The following AGK variants were observed in gnomAD, a reference collection of about 807,000 sequenced individuals.
The protein encoded by AGK is acylglycerol kinase, mitochondrial.
Under a neutral mutation model 66.4 loss-of-function variants are expected in AGK, and 52 were observed. That is an observed-to-expected ratio of 0.78 (90% CI 0.63 to 0.99). AGK has a LOEUF of 0.99. AGK is among the 50% of genes least tolerant of loss of function. The pLI is 0.00. For synonymous variants in AGK, 182 were observed against 181.1 expected (o/e 1.00, Z -0.04); for missense variants, 451 against 506.6 (o/e 0.89, Z 1.05).
At chr7:141,590,008 A>G (rs906422039) in intron 2 of AGK, among the ~76,000 whole-genome samples, 10 of 152,218 alleles carry the variant, frequency 6.6e-5, no homozygotes, top group African/African-American at 2.4e-4. Flanking sequence ...TTTATTTTGA[A>G]TAGCATTCTG....
At chr7:141,589,928 TCA>T (rs557406096) in intron 2 of AGK, among the ~76,000 whole-genome samples, 2,054 of 152,330 alleles carry the variant, frequency 0.013, 23 homozygotes, top group Middle Eastern at 0.024. Flanking sequence ...TCTGGCTCTC[TCA>T]CAGGTGGCAT....
intron 3 of AGK, among the ~76,000 whole-genome samples, chr7:141,595,876 T>G (rs1796214993): frequency 6.6e-6 from 1 of 152,238 alleles, no homozygotes; most frequent in East Asian, 1.9e-4. Flanking sequence ...AGGCTTGTAA[T>G]TGATCAACTC....
intron 9 of AGK, among the ~76,000 whole-genome samples, chr7:141,627,904 C>T (rs551098614): frequency 9.2e-5 from 14 of 152,288 alleles, no homozygotes; most frequent in South Asian, 2.1e-4. Flanking sequence ...TTTATTGAGA[C>T]GGAGTCTCAC....
chr7:141,568,763 A>G (rs1307227692), intron 2 of AGK, among the ~76,000 whole-genome samples: 1 of 151,620 alleles, frequency 6.6e-6, no homozygotes, highest in African/African-American at 2.4e-5. Context: ...TTTAGTAGAG[A>G]TGGGGTTTCA....
chr7:141,634,996 A>G (rs886546782), intron 10 of AGK, among the ~76,000 whole-genome samples: 2 of 148,890 alleles, frequency 1.3e-5, no homozygotes, highest in African/African-American at 5.2e-5. Context: ...TGCCATGATT[A>G]TGGGATTCTA....
chr7:141,637,758 A>G (rs567154877), intron 11 of AGK, among the ~76,000 whole-genome samples: 2 of 152,314 alleles, frequency 1.3e-5, no homozygotes, highest in East Asian at 3.9e-4. Context: ...GAGTTATTGA[A>G]TGTTTTTCTA....
chr7:141,641,285 C>T lies in AGK; in HGVS notation c.764C>T (p.Thr255Met), dbSNP rs112625649. 272 of 1,613,904 alleles carry T rather than the reference C, an allele frequency of 1.7e-4. 1 individual carries two copies. The highest frequency in any genetic ancestry group is 3.7e-4 in the Admixed American group (22 of 59,988). ...PQTHQASISY[T>M]GPTERPPNEP... ...ACTCATCAAGCCTCTATCTCATACA[C>T]GGGACCTACAGAGAGACCTCCCAAT... The change falls in exon 12 of 16, where the codon ACG becomes ATG. Residue 255 changes from threonine to methionine, a missense_variant. Coordinates refer to ENST00000649286, the MANE Select transcript of AGK (RefSeq NM_018238.4).
At chr7:141,650,763 T>C in intron 14 of AGK, 1 of 827,472 alleles carries the variant, frequency 1.2e-6, no homozygotes, top group Non-Finnish European at 1.5e-6. Flanking sequence ...TCCCACGGTA[T>C]CCTTGGGGTA....
chr7:141,646,201 G>C (rs1797408691), intron 13 of AGK, among the ~76,000 whole-genome samples: 1 of 152,114 alleles, frequency 6.6e-6, no homozygotes, highest in Non-Finnish European at 1.5e-5. Flanking sequence ...CCAGAACCAA[G>C]CTAGAGGTTT....
At chr7:141,647,961 G>A (rs376544298) in intron 13 of AGK, among the ~76,000 whole-genome samples, 39 of 152,290 alleles carry the variant, frequency 2.6e-4, no homozygotes, top group East Asian at 2.1e-3. Context: ...GTGAGCCACC[G>A]CGCCTGGCCA....
intron 2 of AGK, among the ~76,000 whole-genome samples, chr7:141,567,401 G>T (rs1002987869): frequency 6.6e-6 from 1 of 151,926 alleles, no homozygotes; most frequent in African/African-American, 2.4e-5. Context: ...TTATTTATTT[G>T]GAGGTTCTAT....
At chr7:141,611,167 C>T (rs796496439) in intron 5 of AGK, 28 bp from the exon 6 acceptor site, 1 of 1,517,066 alleles carries the variant, frequency 6.6e-7, no homozygotes, top group Non-Finnish European at 9.1e-7. Context: ...GGTTGATAAA[C>T]TCACCAAAGG....
At chr7:141,551,594 G>T (rs910823609) in intron 1 of AGK, among the ~76,000 whole-genome samples, 160 bp downstream of exon 1, 2 of 152,156 alleles carry the variant, frequency 1.3e-5, no homozygotes, top group Non-Finnish European at 2.9e-5. Context: ...GGGGTCGTGG[G>T]TGCAGGCGGC....
intron 5 of AGK, among the ~76,000 whole-genome samples, chr7:141,610,793 G>T (rs546631167): frequency 6.6e-6 from 1 of 152,282 alleles, no homozygotes; most frequent in South Asian, 2.1e-4. Context: ...TTTAATCCAG[G>T]TCTCTTGGGC....
rs150023393 is a variant in AGK, at chr7:141,587,625, A to AT, written c.102-5516dup. On this transcript the variant is annotated intron_variant, in intron 2 of 15. Coordinates refer to ENST00000649286, the MANE Select transcript of AGK (RefSeq NM_018238.4). ...TTCTCTTGCCTAGATTCTACTCCCT[A>AT]TTTTTGCCTGGCTACTTTTTATTTT... is the stretch of plus-strand genomic sequence containing the variant. 1.9e-3 allele frequency among the ~76,000 whole-genome samples: 284 copies of AT among 152,036 alleles called. 2 individuals carry two copies. The highest frequency in any genetic ancestry group is 6.5e-3 in the African/African-American group (271 of 41,444).
In AGK at chr7:141,555,197, G is replaced by C. The variant is rs1562956446; in HGVS notation, c.-14-256G>C. Among the ~76,000 whole-genome samples the C allele has an allele frequency of 1.3e-5, 2 of 152,160 alleles. No individual in the cohort carries two copies. Among genetic ancestry groups the C allele is most frequent in the Non-Finnish European group, 2.9e-5 (2 of 68,042 alleles). ...GAAATAGTGATCAGAGAGGGAAGAAGTATAGGTTAGGTGGAAATACGTGAA... is the reference window on the plus strand; with the variant it reads ...GAAATAGTGATCAGAGAGGGAAGAACTATAGGTTAGGTGGAAATACGTGAA... On this transcript the variant is annotated intron_variant, in intron 1 of 15. Transcript: ENST00000649286. The surrounding 1 kb of genome is among the most constrained non-coding windows in gnomAD (Gnocchi z 4.2).
At chr7:141,573,843 T>C (rs1458555684) in intron 2 of AGK, among the ~76,000 whole-genome samples, 1 of 152,234 alleles carries the variant, frequency 6.6e-6, no homozygotes, top group Non-Finnish European at 1.5e-5. Context: ...ATTATTATTA[T>C]ACTTTAAGTT....
intron 7 of AGK, 113 bp downstream of exon 7, chr7:141,614,291 T>A: frequency 1.4e-6 from 1 of 739,026 alleles, no homozygotes; most frequent in Non-Finnish European, 2.1e-6. Context: ...GTACAAATTG[T>A]GCTTTCTTGA....
At chr7:141,614,796 G>A (rs1796672337) in intron 7 of AGK, among the ~76,000 whole-genome samples, 2 of 149,550 alleles carry the variant, frequency 1.3e-5, no homozygotes, top group South Asian at 2.1e-4. Context: ...TGAAACATAT[G>A]AAGCAAAAAG....
Sources: gnomAD v4.1 joint callset for allele counts (sites outside exome capture counted in the v4.1 genomes callset) on GRCh38, gnomAD v4.1.1 for gene constraint, Gnocchi (gnomAD v3.1) non-coding constraint, MANE v1.5 for transcripts, NCBI Gene and HGNC (gene_info 2026-07-23, HGNC 2026-07-21) for gene names.